Variants in ZNF385D observed in about 807,000 individuals in gnomAD.
ZNF385D encodes the protein zinc finger protein 659.
In ZNF385D, 15 loss-of-function variants were observed where a neutral mutation model predicts 35.8. The ratio of observed to expected loss-of-function variants is 0.42; its 90% CI spans 0.28 to 0.64. The LOEUF (loss-of-function observed/expected upper bound fraction) is 0.64, where lower values mean the gene tolerates loss of function less well. ZNF385D is among the 30% of genes least tolerant of loss of function. The pLI is 0.23. For synonymous variants in ZNF385D, 212 were observed against 186.8 expected (o/e 1.13, Z -1.10); for missense variants, 474 against 494.6 (o/e 0.96, Z 0.39).
chr3:22,093,880 C>T (rs563327691), intron 3 of ZNF385D, among the ~76,000 whole-genome samples: 3 of 152,156 alleles, frequency 2.0e-5, no homozygotes, highest in South Asian at 2.1e-4. Flanking sequence ...ACGTTAAGCT[C>T]GCTAACACTT....
intron 3 of ZNF385D, among the ~76,000 whole-genome samples, chr3:21,785,867 T>G (rs149620198): frequency 7.2e-5 from 11 of 152,322 alleles, no homozygotes; most frequent in African/African-American, 2.4e-4. Context: ...TGGCAATTGC[T>G]TTTCCCCACT....
intron 1 of ZNF385D, among the ~76,000 whole-genome samples, chr3:21,725,230 G>T (rs1268155544): frequency 1.3e-5 from 2 of 152,000 alleles, no homozygotes; most frequent in Non-Finnish European, 2.9e-5. Context: ...AGAAAAAGCA[G>T]GAAAGATCCA....
At chr3:21,567,562 A>G (rs1007894793) in intron 2 of ZNF385D, among the ~76,000 whole-genome samples, 3 of 151,866 alleles carry the variant, frequency 2.0e-5, no homozygotes, top group Non-Finnish European at 4.4e-5. Flanking sequence ...CCCTTCAGCC[A>G]CCAGCTGACG....
intron 3 of ZNF385D, among the ~76,000 whole-genome samples, chr3:21,773,817 G>T (rs1375415659): frequency 1.3e-5 from 2 of 151,866 alleles, no homozygotes; most frequent in Non-Finnish European, 2.9e-5. Flanking sequence ...TTTTACACTT[G>T]GTGGGAGTGT....
intron 3 of ZNF385D, among the ~76,000 whole-genome samples, chr3:22,160,487 TC>T (rs1423611800): frequency 6.6e-6 from 1 of 152,114 alleles, no homozygotes; most frequent in African/African-American, 2.4e-5. Flanking sequence ...TCATTAACTA[TC>T]AATGTTGCAG....
intron 3 of ZNF385D, among the ~76,000 whole-genome samples, chr3:21,552,255 TTAAA>T (rs1216545060): frequency 3.5e-4 from 54 of 152,216 alleles, no homozygotes; most frequent in Non-Finnish European, 1.6e-4. Flanking sequence ...TTTTGGTTAT[TTAAA>T]TAGAGATAAT....
At chr3:22,283,053 A>T (rs1701845498) in intron 2 of ZNF385D, among the ~76,000 whole-genome samples, 1 of 152,124 alleles carries the variant, frequency 6.6e-6, no homozygotes, top group Admixed American at 6.6e-5. Context: ...ATCAGAAAAA[A>T]AATTTTAAGG....
intron 1 of ZNF385D, among the ~76,000 whole-genome samples, chr3:21,673,680 C>A (rs1192564101): frequency 6.6e-6 from 1 of 151,982 alleles, no homozygotes; most frequent in African/African-American, 2.4e-5. Flanking sequence ...AAAGAACAAA[C>A]CAAATTTTTA....
chr3:21,443,628 C>T (rs1257029561), intron 4 of ZNF385D, among the ~76,000 whole-genome samples: 1 of 152,130 alleles, frequency 6.6e-6, no homozygotes, highest in Non-Finnish European at 1.5e-5. Flanking sequence ...AAACTGATTT[C>T]ACTGTGTCTC....
chr3:21,925,088 T>C (rs965227952), intron 3 of ZNF385D, among the ~76,000 whole-genome samples: 2 of 152,296 alleles, frequency 1.3e-5, no homozygotes, highest in South Asian at 4.1e-4. Flanking sequence ...AAAATTGATA[T>C]ACAGATTTAA....
intron 3 of ZNF385D, among the ~76,000 whole-genome samples, chr3:22,060,753 A>T (rs2125540904): frequency 6.6e-6 from 1 of 152,242 alleles, no homozygotes; most frequent in South Asian, 2.1e-4. Flanking sequence ...CTGTTCAACT[A>T]GAAAATAAGA....
At chr3:21,561,676 G>A (rs147778618) in intron 3 of ZNF385D, among the ~76,000 whole-genome samples, 21 of 152,310 alleles carry the variant, frequency 1.4e-4, no homozygotes, top group African/African-American at 3.8e-4. Flanking sequence ...AAGGTCCAAA[G>A]AGAGGGTGGG....
At chr3:21,790,569 A>G (rs944267208) in intron 3 of ZNF385D, among the ~76,000 whole-genome samples, 3 of 152,332 alleles carry the variant, frequency 2.0e-5, no homozygotes, top group Non-Finnish European at 4.4e-5. Context: ...TCAGTTCTCT[A>G]GGGCACAGAA....
intron 3 of ZNF385D, among the ~76,000 whole-genome samples, chr3:22,107,769 A>T (rs1007271806): frequency 6.6e-6 from 1 of 151,962 alleles, no homozygotes; most frequent in Non-Finnish European, 1.5e-5. Flanking sequence ...CTACAGGTAA[A>T]TTTTACATCC....
At chr3:21,544,608 A>C (rs2062306213) in intron 3 of ZNF385D, among the ~76,000 whole-genome samples, 1 of 152,136 alleles carries the variant, frequency 6.6e-6, no homozygotes, top group South Asian at 2.1e-4. Context: ...GACTGAATTC[A>C]AAAAAAGGTA....
intron 3 of ZNF385D, among the ~76,000 whole-genome samples, chr3:22,025,495 TATGGAATAATG>T (rs1034424169): frequency 4.6e-5 from 7 of 152,100 alleles, no homozygotes; most frequent in Non-Finnish European, 1.5e-5. Context: ...ATTTTAAGGG[TATGGAATAATG>T]GTGGAAGAAA....
At chr3:21,997,222 A>G (rs528863816) in intron 3 of ZNF385D, among the ~76,000 whole-genome samples, 22 of 152,172 alleles carry the variant, frequency 1.4e-4, no homozygotes, top group Non-Finnish European at 2.8e-4. Context: ...GCTGGAAACC[A>G]TCATTCTGAG....
intron 3 of ZNF385D, among the ~76,000 whole-genome samples, chr3:21,920,622 C>CAAAAAAAAAAA (rs71044953): frequency 1.5e-5 from 2 of 129,994 alleles, no homozygotes; most frequent in Non-Finnish European, 1.6e-5. Context: ...GATACAATGC[C>CAAAAAAAAAAA]AAAAAAAAAA....
intron 3 of ZNF385D, among the ~76,000 whole-genome samples, chr3:21,820,629 T>A (rs972406024): frequency 1.3e-5 from 2 of 151,258 alleles, no homozygotes; most frequent in South Asian, 4.2e-4. Context: ...AAAAATACAA[T>A]AGAAAACAAA....
Sources: gnomAD v4.1 joint callset for allele counts (sites outside exome capture counted in the v4.1 genomes callset) on GRCh38, gnomAD v4.1.1 for gene constraint, MANE v1.5 for transcripts, NCBI Gene and HGNC (gene_info 2026-07-23, HGNC 2026-07-21) for gene names.